The following DNAH11 variants were observed in gnomAD, a reference collection of about 807,000 sequenced individuals.
The protein encoded by DNAH11 is axonemal beta dynein heavy chain 11.
Under a neutral mutation model 526.0 loss-of-function variants are expected in DNAH11, and 442 were observed. That is an observed-to-expected ratio of 0.84 (90% CI 0.78 to 0.91). DNAH11 has a LOEUF of 0.91. DNAH11 is among the 40% of genes least tolerant of loss of function. DNAH11 has a pLI of 0.00. For missense variants in DNAH11, 6,989 were observed against 5,448.7 expected, an observed-to-expected ratio of 1.28 and a Z score of -8.90; for synonymous variants, 2,461 against 1,935.9, an observed-to-expected ratio of 1.27 and a Z score of -7.12.
rs183858502 is a variant in DNAH11, at chr7:21,752,218, G to A, written c.8940+1854G>A. On this transcript the variant is annotated intron_variant, in intron 54 of 81. Coordinates refer to ENST00000409508, the MANE Select transcript of DNAH11 (RefSeq NM_001277115.2). ...TGCTCAACTTTGCTTGCTTCTACAGGATAAATTCCTAGAATGGATATTGCT... is the reference window on the plus strand; with the variant it reads ...TGCTCAACTTTGCTTGCTTCTACAGAATAAATTCCTAGAATGGATATTGCT... Among the ~76,000 whole-genome samples the A allele has an allele frequency of 2.2e-4, 33 of 152,340 alleles. 1 individual carries two copies. The highest frequency in any genetic ancestry group is 7.7e-4 in the African/African-American group (32 of 41,582).
intron 45 of DNAH11, among the ~76,000 whole-genome samples, chr7:21,733,895 T>C (rs767470060): frequency 2.6e-5 from 4 of 152,092 alleles, no homozygotes; most frequent in Non-Finnish European, 4.4e-5. Context: ...TCCACAGCTA[T>C]ATGGGTAGTA....
At chr7:21,573,342 G>A (rs1173876168) in intron 8 of DNAH11, among the ~76,000 whole-genome samples, 1 of 152,126 alleles carries the variant, frequency 6.6e-6, no homozygotes, top group African/African-American at 2.4e-5. Context: ...TCTTCGGTCT[G>A]GTTGGAGACA....
chr7:21,647,937 C>A (rs904859578), intron 28 of DNAH11, among the ~76,000 whole-genome samples: 1 of 152,040 alleles, frequency 6.6e-6, no homozygotes, highest in African/African-American at 2.4e-5. Context: ...GAAGATGACA[C>A]TAGATGGAAA....
chr7:21,604,872 G>C (rs569553440), intron 18 of DNAH11, among the ~76,000 whole-genome samples: 2 of 152,256 alleles, frequency 1.3e-5, no homozygotes, highest in Admixed American at 6.5e-5. Flanking sequence ...GTGAGACTCT[G>C]TCTGTACAGA....
chr7:21,645,087 T>G (rs1787293140), intron 28 of DNAH11, among the ~76,000 whole-genome samples: 1 of 152,240 alleles, frequency 6.6e-6, no homozygotes, highest in South Asian at 2.1e-4. Context: ...ATTAAGGTTA[T>G]TATAATGTGA....
At chr7:21,859,621 T>A (rs1782979100) in intron 68 of DNAH11, among the ~76,000 whole-genome samples, 1 of 152,206 alleles carries the variant, frequency 6.6e-6, no homozygotes, top group Non-Finnish European at 1.5e-5. Flanking sequence ...TTACTTTCAC[T>A]CAAATATACA....
chr7:21,688,999 C>A (rs1330167823), intron 34 of DNAH11, among the ~76,000 whole-genome samples: 3 of 152,196 alleles, frequency 2.0e-5, no homozygotes, highest in Non-Finnish European at 4.4e-5. Flanking sequence ...TATCTAGCCT[C>A]TTGGACTGTT....
At chr7:21,819,934 T>C (rs1014223295) in intron 65 of DNAH11, among the ~76,000 whole-genome samples, 3 of 152,204 alleles carry the variant, frequency 2.0e-5, no homozygotes, top group African/African-American at 7.2e-5. Flanking sequence ...TGCATTTCTT[T>C]TAAGGCCAAG....
At position 21,559,642 on chromosome 7, in the gene DNAH11, A is replaced by T. The variant is rs1448372395; in HGVS notation, c.732A>T (p.Glu244Asp). Residue 244 changes from glutamate (E) to aspartate (D), a missense_variant, in exon 4 of 82, where the codon GAA (glutamate) becomes GAT (aspartate). By Grantham distance (45) the Glu-to-Asp change is conservative (BLOSUM62 2). Transcript: ENST00000409508. ...SNERIILHAIESVVIEWSHQI... is the reference protein window; with the variant it reads ...SNERIILHAIDSVVIEWSHQI... The stretch of plus-strand genomic sequence containing the variant: ...AAAGGATAATACTTCATGCAATTGA[A>T]TCTGTGGTTATTGAATGGTCACATC... 1.9e-6 allele frequency: 3 copies of T among 1,611,816 alleles called. No homozygotes were observed. Among genetic ancestry groups the T allele is most frequent in the Admixed American group, 3.3e-5 (2 of 59,760 alleles).
At chr7:21,844,204 G>A (rs568552747) in intron 66 of DNAH11, among the ~76,000 whole-genome samples, 123 of 152,164 alleles carry the variant, frequency 8.1e-4, no homozygotes, top group African/African-American at 2.9e-3. Context: ...CTTGAGGGAA[G>A]ATCACTTGAG....
chr7:21,638,791 T>C (rs1364374591), intron 27 of DNAH11, 148 bp from the exon 28 acceptor site: 2 of 875,330 alleles, frequency 2.3e-6, no homozygotes, highest in African/African-American at 3.4e-5. Context: ...GCAAGATAGA[T>C]GATGGTGTAA....
Position 21,625,928 on chromosome 7 carries a change from TG to T in DNAH11, c.4500+5851del, listed in dbSNP as rs149800530. On this transcript the variant is annotated intron_variant, in intron 25 of 81. Coordinates refer to ENST00000409508, the MANE Select transcript of DNAH11 (RefSeq NM_001277115.2). The stretch of plus-strand genomic sequence containing the variant: ...ATCTGGCAGACTTGGAAAACATTTA[TG>T]TTTTTTTATATTGATGCGTAAGAGA... 2.6e-3 allele frequency among the ~76,000 whole-genome samples: 388 copies of T among 152,058 alleles called. 2 individuals are homozygous for T. The highest frequency in any genetic ancestry group is 8.8e-3 in the African/African-American group (367 of 41,560).
chr7:21,745,470 C>T (rs17145195), intron 51 of DNAH11, among the ~76,000 whole-genome samples: 1,803 of 152,232 alleles, frequency 0.012, 40 homozygotes, highest in African/African-American at 0.041. Flanking sequence ...GCTTTCTTGG[C>T]AGAAAATTAG....
intron 54 of DNAH11, among the ~76,000 whole-genome samples, chr7:21,754,486 C>A (rs184197373): frequency 6.6e-6 from 1 of 152,118 alleles, no homozygotes; most frequent in East Asian, 1.9e-4. Flanking sequence ...CTATTGTTGT[C>A]TAATCCTTTT....
chr7:21,894,940 C>G lies in DNAH11; in HGVS notation c.12990C>G (p.Asp4330Glu), dbSNP rs941132737. The G allele has an allele frequency of 6.2e-7, 1 of 1,613,990 alleles. No homozygotes were observed. The highest frequency in any genetic ancestry group is 8.5e-7 in the Non-Finnish European group (1 of 1,179,880). ...VEAQQFALSY[D>E]TVPDTWSKLA... is the part of the protein sequence containing the mutation. Reference sequence around the variant, plus strand: ...CCCAGCAGTTTGCATTGAGTTATGACACGGTACCAGACACTTGGAGCAAAC... The same window carrying G: ...CCCAGCAGTTTGCATTGAGTTATGAGACGGTACCAGACACTTGGAGCAAAC... Residue 4330 changes from aspartate (D) to glutamate (E), a missense_variant, in exon 79 of 82, where the codon GAC becomes GAG. By Grantham distance (45) the Asp-to-Glu change is conservative (BLOSUM62 2). Coordinates refer to ENST00000409508, the MANE Select transcript of DNAH11 (RefSeq NM_001277115.2).
chr7:21,662,425 A>G (rs1322223336), intron 30 of DNAH11, among the ~76,000 whole-genome samples: 1 of 152,122 alleles, frequency 6.6e-6, no homozygotes, highest in Non-Finnish European at 1.5e-5. Flanking sequence ...GAATCATTTC[A>G]AAGGAAGTTG....
intron 6 of DNAH11, among the ~76,000 whole-genome samples, chr7:21,565,494 AC>A (rs1357269008): frequency 1.3e-5 from 2 of 152,220 alleles, no homozygotes; most frequent in African/African-American, 4.8e-5. Context: ...GGAAAGCCAG[AC>A]CAAAGAACAG....
intron 63 of DNAH11, among the ~76,000 whole-genome samples, chr7:21,815,709 A>G (rs1388433864): frequency 1.3e-5 from 2 of 152,216 alleles, no homozygotes; most frequent in Non-Finnish European, 2.9e-5. Context: ...AAAATGCTCA[A>G]TAAATGTTTG....
intron 40 of DNAH11, among the ~76,000 whole-genome samples, chr7:21,709,641 C>G (rs561534004): frequency 6.6e-6 from 1 of 152,162 alleles, no homozygotes; most frequent in Non-Finnish European, 1.5e-5. Context: ...TCTATCCTCT[C>G]GTCTTGTGTA....
Sources: gnomAD v4.1 joint callset for allele counts (sites outside exome capture counted in the v4.1 genomes callset) on GRCh38, gnomAD v4.1.1 for gene constraint, MANE v1.5 for transcripts, NCBI Gene and HGNC (gene_info 2026-07-23, HGNC 2026-07-21) for gene names.